Variants in OR10C1 observed in about 807,000 individuals in gnomAD.
OR10C1 encodes the protein olfactory receptor 10C1.
For missense variants in OR10C1, 388 were observed against 392.1 expected (o/e 0.99, Z 0.09); for synonymous variants, 183 against 174.4 (o/e 1.05, Z -0.39).
At position 29,439,925 on chromosome 6, in the gene OR10C1, A is replaced by G. The variant is rs1287409678; in HGVS notation, c.-91A>G. Reference sequence around the variant, plus strand: ...GATCTAGTGCTGCGATCAGATGCAGAGAGAGGTCATCTTTGCCCATTTCAC... The same window carrying G: ...GATCTAGTGCTGCGATCAGATGCAGGGAGAGGTCATCTTTGCCCATTTCAC... On this transcript the variant is annotated 5_prime_UTR_variant, in exon 1 of 1. Coordinates refer to ENST00000444197, the MANE Select transcript of OR10C1 (RefSeq NM_013941.4). 2.2e-6 allele frequency: 2 copies of G among 925,834 alleles called. No homozygotes were observed. Among genetic ancestry groups the G allele is most frequent in the Non-Finnish European group, 3.4e-6 (2 of 590,128 alleles). 57.4% of individuals were successfully genotyped at this position (925,834 alleles called of 1,614,324 possible). A position where few individuals can be genotyped will look rare whatever the true frequency, so the allele number is the denominator to read the frequency against.
rs1784065160 is a variant in OR10C1, at chr6:29,440,590, C to T, written c.575C>T (p.Ser192Leu). ...CTGCAGCTGGTATGTGGAGACACCTCGCTTAATGAACTGCAGATTATCCTG... is the reference window on the plus strand; with the variant it reads ...CTGCAGCTGGTATGTGGAGACACCTTGCTTAATGAACTGCAGATTATCCTG... ...PVLQLVCGDT[S>L]LNELQIILAT... Residue 192 changes from serine to leucine, a missense_variant, in exon 1 of 1, where the codon TCG becomes TTG. Ser to Leu is a moderately radical substitution (Grantham distance 145). Transcript: ENST00000444197. 1 of 1,613,912 alleles carries T rather than the reference C, an allele frequency of 6.2e-7. No homozygotes were observed. Among genetic ancestry groups the T allele is most frequent in the Middle Eastern group, 1.6e-4 (1 of 6,062 alleles).
chr6:29,440,767 A>G lies in OR10C1; in HGVS notation c.752A>G (p.Tyr251Cys), dbSNP rs1207311268. The change falls in exon 1 of 1, where the codon TAT (tyrosine) becomes TGT (cysteine). Residue 251 changes from tyrosine (Y) to cysteine (C), a missense_variant. Tyr to Cys is a radical substitution (Grantham distance 194, BLOSUM62 -2). Transcript: ENST00000444197. ...SSHLIMVSLFYGTALFIYIRP... is the reference protein window; with the variant it reads ...SSHLIMVSLFCGTALFIYIRP... ...CACCTGATCATGGTCTCCCTCTTCT[A>G]TGGCACCGCACTCTTTATCTATATT... is the stretch of plus-strand genomic sequence containing the variant. 1.2e-6 allele frequency: 2 copies of G among 1,613,860 alleles called. No homozygotes were observed. The highest frequency in any genetic ancestry group is 8.5e-7 in the Non-Finnish European group (1 of 1,179,838).
In OR10C1 at chr6:29,440,817, G is replaced by A. The variant is rs1202208449; in HGVS notation, c.802G>A (p.Ala268Thr). ...YIRPKASYDPATDPLVSLFYA... is the reference protein window; with the variant it reads ...YIRPKASYDPTTDPLVSLFYA... ...TCGCCCTAAGGCCAGCTACGATCCG[G>A]CCACTGACCCTCTGGTGTCCCTCTT... The change falls in exon 1 of 1, where the codon GCC becomes ACC. Residue 268 changes from alanine (A) to threonine (T), a missense_variant. Transcript: ENST00000444197. 2 of 1,613,982 alleles carry A rather than the reference G, an allele frequency of 1.2e-6. No homozygotes were observed. Among genetic ancestry groups the A allele is most frequent in the Admixed American group, 1.7e-5 (1 of 60,012 alleles).
chr6:29,440,477 G>A lies in OR10C1; in HGVS notation c.462G>A (p.Val154=). 1 of 1,613,878 alleles carries A rather than the reference G, an allele frequency of 6.2e-7. No homozygotes were observed. Among genetic ancestry groups the A allele is most frequent in the Non-Finnish European group, 8.5e-7 (1 of 1,179,954 alleles). The part of the protein sequence containing the change: ...AGSAWACGVL[V]GLGHTPFIFS... ...CGGCGTGGGCCTGTGGGGTGCTGGT[G>A]GGGCTGGGCCACACCCCTTTCATCT... The change falls in exon 1 of 1, where the codon GTG becomes GTA. Residue 154 remains valine, a synonymous_variant. Coordinates refer to ENST00000444197, the MANE Select transcript of OR10C1 (RefSeq NM_013941.4).
chr6:29,440,057 C>T lies in OR10C1; in HGVS notation c.42C>T (p.Leu14=), dbSNP rs775048330. ...CCATGGTGACTGAGTTTCTTCTTCTCGGCTTCTCCCACCTGGCCGACCTCC... is the reference window on the plus strand; with the variant it reads ...CCATGGTGACTGAGTTTCTTCTTCTTGGCTTCTCCCACCTGGCCGACCTCC... ...NTSMVTEFLL[L]GFSHLADLQG... is the part of the protein sequence containing the mutation. Residue 14 remains leucine, a synonymous_variant, in exon 1 of 1, where the codon CTC becomes CTT. Transcript: ENST00000444197. 9 of 1,613,158 alleles carry T rather than the reference C, an allele frequency of 5.6e-6. No homozygotes were observed. The highest frequency in any genetic ancestry group is 2.2e-5 in the East Asian group (1 of 44,880).
rs920253514 is a variant in OR10C1, at chr6:29,440,002, G to T, written c.-14G>T. 6.9e-6 allele frequency: 11 copies of T among 1,602,870 alleles called. No individual in the cohort carries two copies. The highest frequency in any genetic ancestry group is 9.4e-6 in the Non-Finnish European group (11 of 1,172,720). ...CCATTTCTTTTGTCTTCCAGTCAAA[G>T]GTATGCAGGCAGGATGAGTGCAAAC... On this transcript the variant is annotated 5_prime_UTR_variant, in exon 1 of 1. In the 5' UTR this introduces an upstream ATG that the reference lacks. Transcript: ENST00000444197.
Position 29,440,369 on chromosome 6 carries a change from C to G in OR10C1, c.354C>G (p.Ala118=). Residue 118 remains alanine, a synonymous_variant, in exon 1 of 1, where the codon GCC becomes GCG. Coordinates refer to ENST00000444197, the MANE Select transcript of OR10C1 (RefSeq NM_013941.4). ...ATECCLLAAM[A]YDRYAAICEP... is the part of the protein sequence containing the mutation. ...AGTGCTGCCTCCTGGCAGCCATGGCCTATGACCGCTATGCAGCCATCTGTG... is the reference window on the plus strand; with the variant it reads ...AGTGCTGCCTCCTGGCAGCCATGGCGTATGACCGCTATGCAGCCATCTGTG... 1.2e-6 allele frequency: 2 copies of G among 1,614,130 alleles called. No homozygotes were observed. Among genetic ancestry groups the G allele is most frequent in the South Asian group, 1.1e-5 (1 of 91,088 alleles).
In OR10C1 at chr6:29,440,222, G is replaced by C. The variant is rs977356543; in HGVS notation, c.207G>C (p.Glu69Asp). The change falls in exon 1 of 1, where the codon GAG becomes GAC. Residue 69 changes from glutamate to aspartate, a missense_variant. Coordinates refer to ENST00000444197, the MANE Select transcript of OR10C1 (RefSeq NM_013941.4). Reference protein sequence around the residue: ...YFFLRTLSALEIGYTSVTVPL... With the variant: ...YFFLRTLSALDIGYTSVTVPL... ...TCCTGCGCACCCTCTCGGCCTTGGA[G>C]ATTGGCTATACGTCTGTCACGGTCC... The C allele has an allele frequency of 3.1e-6, 5 of 1,613,834 alleles. No homozygotes were observed. In the African/African-American group the frequency reaches 5.3e-5, roughly 17 times the overall value.
chr6:29,440,722 C>G lies in OR10C1; in HGVS notation c.707C>G (p.Ala236Gly). 6.2e-7 allele frequency: 1 copy of G among 1,613,730 alleles called. No homozygotes were observed. The change falls in exon 1 of 1, where the codon GCC becomes GGC. Residue 236 changes from alanine (A) to glycine (G), a missense_variant. Physicochemically the swap from Ala to Gly is moderately conservative, Grantham distance 60. Coordinates refer to ENST00000444197, the MANE Select transcript of OR10C1 (RefSeq NM_013941.4). Reference protein sequence around the residue: ...RIPSVAGRRKAFSTCSSHLIM... With the variant: ...RIPSVAGRRKGFSTCSSHLIM... Reference sequence around the variant, plus strand: ...CCATCTGTTGCGGGCCGCCGCAAGGCCTTCTCCACCTGCTCCTCCCACCTG... The same window carrying G: ...CCATCTGTTGCGGGCCGCCGCAAGGGCTTCTCCACCTGCTCCTCCCACCTG...
rs748281764 is a variant in OR10C1 at position 29,440,212 on chromosome 6, C to T, written c.197C>T (p.Ser66Leu). Residue 66 changes from serine to leucine, a missense_variant, in exon 1 of 1, where the codon TCG (serine) becomes TTG (leucine). Ser to Leu is a moderately radical substitution (Grantham distance 145). Transcript: ENST00000444197. ...SPMYFFLRTL[S>L]ALEIGYTSVT... The stretch of plus-strand genomic sequence containing the variant: ...ATGTACTTCTTCCTGCGCACCCTCT[C>T]GGCCTTGGAGATTGGCTATACGTCT... 4.3e-6 allele frequency: 7 copies of T among 1,613,932 alleles called. No homozygotes were observed. Among genetic ancestry groups the T allele is most frequent in the South Asian group, 3.3e-5 (3 of 91,080 alleles).
rs1783909631 is a variant in OR10C1 at position 29,439,432 on chromosome 6, T to G, written c.-584T>G. The G allele has an allele frequency of 6.6e-6, 1 of 152,388 alleles. No individual in the cohort carries two copies. The highest frequency in any genetic ancestry group is 2.4e-5 in the African/African-American group (1 of 41,462). The allele number at this position is 152,388 out of a possible 1,614,324, so 9.4% of individuals were successfully genotyped here. Reference sequence around the variant, plus strand: ...ATAGGAGCTTAAAAAGAGAGGATCTTTCTCATTTTTTTTCTCCTCCTTGAA... The same window carrying G: ...ATAGGAGCTTAAAAAGAGAGGATCTGTCTCATTTTTTTTCTCCTCCTTGAA... On this transcript the variant is annotated 5_prime_UTR_variant, in exon 1 of 1. Coordinates refer to ENST00000444197, the MANE Select transcript of OR10C1 (RefSeq NM_013941.4).
Position 29,440,427 on chromosome 6 carries a change from C to T in OR10C1, c.412C>T (p.Arg138Trp), listed in dbSNP as rs17177646. 8.4e-3 allele frequency: 13,481 copies of T among 1,613,976 alleles called. 240 individuals are homozygous for T. The highest frequency in any genetic ancestry group is 0.072 in the African/African-American group (5,386 of 75,012). Residue 138 changes from arginine (R) to tryptophan (W), a missense_variant, in exon 1 of 1, where the codon CGG becomes TGG. Coordinates refer to ENST00000444197, the MANE Select transcript of OR10C1 (RefSeq NM_013941.4). ...CCGCTACCCACTGCTGCTGAGCCAC[C>T]GGGTGTGTCTACAGCTAGCTGGGTC... ...PLRYPLLLSH[R>W]VCLQLAGSAW...
rs1784062301 is a variant in OR10C1 at position 29,440,570 on chromosome 6, G to T, written c.555G>T (p.Gln185His). 2.5e-6 allele frequency: 4 copies of T among 1,613,982 alleles called. No homozygotes were observed. The highest frequency in any genetic ancestry group is 3.4e-6 in the Non-Finnish European group (4 of 1,180,016). ...TCTGTGAGATCCAGCCTGTCCTGCAGCTGGTATGTGGAGACACCTCGCTTA... is the reference window on the plus strand; with the variant it reads ...TCTGTGAGATCCAGCCTGTCCTGCATCTGGTATGTGGAGACACCTCGCTTA... ...QFFCEIQPVL[Q>H]LVCGDTSLNE... The change falls in exon 1 of 1, where the codon CAG becomes CAT. Residue 185 changes from glutamine (Q) to histidine (H), a missense_variant. By Grantham distance (24) the Gln-to-His change is conservative. Coordinates refer to ENST00000444197, the MANE Select transcript of OR10C1 (RefSeq NM_013941.4).
rs1196911059 is a variant in OR10C1 at position 29,439,619 on chromosome 6, A to G, written c.-397A>G. The G allele has an allele frequency of 5.2e-6, 1 of 191,210 alleles. No homozygotes were observed. The highest frequency in any genetic ancestry group is 1.1e-5 in the Non-Finnish European group (1 of 94,258). 11.8% of individuals were successfully genotyped at this position (191,210 alleles called of 1,614,324 possible). A position where few individuals can be genotyped will look rare whatever the true frequency, so the allele number is the denominator to read the frequency against. On this transcript the variant is annotated 5_prime_UTR_variant, in exon 1 of 1. It removes an upstream start codon present in the reference 5' UTR. Transcript: ENST00000444197. The stretch of plus-strand genomic sequence containing the variant: ...AAGTTGATGGAGAAAAAGATCTGCT[A>G]TGAGGGAAAATTCTGTCTCCAGCCC...
At position 29,439,566 on chromosome 6, in the gene OR10C1, A is replaced by T. The variant is rs576621656; in HGVS notation, c.-450A>T. 6.2e-6 allele frequency: 1 copy of T among 161,766 alleles called. No homozygotes were observed. Among genetic ancestry groups the T allele is most frequent in the South Asian group, 2.0e-4 (1 of 5,016 alleles). 10.0% of individuals were successfully genotyped at this position (161,766 alleles called of 1,614,324 possible). A position where few individuals can be genotyped will look rare whatever the true frequency, so the allele number is the denominator to read the frequency against. The stretch of plus-strand genomic sequence containing the variant: ...AAACTAGAGGGCAAGAGGTGATAAG[A>T]GAGGTCACCTCTTATCAGACAGGAG... On this transcript the variant is annotated 5_prime_UTR_variant, in exon 1 of 1. Transcript: ENST00000444197.
At position 29,439,844 on chromosome 6, in the gene OR10C1, G is replaced by A; in HGVS notation, c.-172G>A. Reference sequence around the variant, plus strand: ...CCAAGAGTGAGCAAGGGTGGAATATGGACTCCAGGCAAGGCTGCCTAATTT... The same window carrying A: ...CCAAGAGTGAGCAAGGGTGGAATATAGACTCCAGGCAAGGCTGCCTAATTT... On this transcript the variant is annotated 5_prime_UTR_variant, in exon 1 of 1. The change abolishes an upstream ATG in the 5' untranslated region. Transcript: ENST00000444197. 1.6e-6 allele frequency: 1 copy of A among 608,438 alleles called. No homozygotes were observed. Among genetic ancestry groups the A allele is most frequent in the Non-Finnish European group, 2.9e-6 (1 of 345,324 alleles). 37.7% of individuals were successfully genotyped at this position (608,438 alleles called of 1,614,324 possible).
At position 29,439,394 on chromosome 6, in the gene OR10C1, A is replaced by G. The variant is rs961809478; in HGVS notation, c.-622A>G. 4.6e-5 allele frequency: 7 copies of G among 152,340 alleles called. No individual in the cohort carries two copies. The highest frequency in any genetic ancestry group is 1.4e-4 in the African/African-American group (6 of 41,580). 9.4% of individuals were successfully genotyped at this position (152,340 alleles called of 1,614,324 possible). ...AATGCTCACCCCTCTAAATAGTTGA[A>G]CTGTTTAATGCTATAGGAGCTTAAA... On this transcript the variant is annotated 5_prime_UTR_variant, in exon 1 of 1. Coordinates refer to ENST00000444197, the MANE Select transcript of OR10C1 (RefSeq NM_013941.4).
rs1238809716 is a variant in OR10C1, at chr6:29,440,941, C to T, written c.926C>T (p.Pro309Leu). Reference sequence around the variant, plus strand: ...AAGAGAACCATCCAGAAAACGGTGCCTATGGAGATTTGAAAAGGGGGCGAT... The same window carrying T: ...AAGAGAACCATCCAGAAAACGGTGCTTATGGAGATTTGAAAAGGGGGCGAT... The part of the protein sequence containing the change: ...ALKRTIQKTV[P>L]MEI Residue 309 changes from proline (P) to leucine (L), a missense_variant, in exon 1 of 1, where the codon CCT becomes CTT. Pro to Leu is a moderately conservative substitution (Grantham distance 98). Coordinates refer to ENST00000444197, the MANE Select transcript of OR10C1 (RefSeq NM_013941.4). 2 of 1,607,934 alleles carry T rather than the reference C, an allele frequency of 1.2e-6. No homozygotes were observed. The highest frequency in any genetic ancestry group is 3.3e-5 in the Admixed American group (2 of 59,946).
In OR10C1 at chr6:29,440,540, GTTC is replaced by G; in HGVS notation, c.530_532del (p.Phe177del). On this transcript the variant is annotated inframe_deletion, in exon 1 of 1. Transcript: ENST00000444197. ...TCTGCGGCCCCAATACCATCCCGCA[GTTC>G]TTCTGTGAGATCCAGCCTGTCCTGC... The G allele has an allele frequency of 2.5e-6, 4 of 1,613,806 alleles. No individual in the cohort carries two copies. Among genetic ancestry groups the G allele is most frequent in the South Asian group, 1.1e-5 (1 of 91,084 alleles).
Sources: allele counts gnomAD v4.1 joint callset, GRCh38; gene constraint gnomAD v4.1.1; transcripts MANE v1.5; gene names NCBI Gene and HGNC (gene_info 2026-07-23, HGNC 2026-07-21).